CNTN5: variants seen among roughly 807,000 people sequenced by gnomAD.
CNTN5 encodes the protein contactin-5.
CNTN5 carries 77 observed loss-of-function variants against 129.1 expected under a neutral mutation model. That is an observed-to-expected ratio of 0.60 (90% CI 0.50 to 0.72). CNTN5 has a LOEUF of 0.72. Ranked by LOEUF, CNTN5 falls within the 30% of genes least tolerant of loss-of-function variation. CNTN5 has a pLI of 0.00. For missense variants in CNTN5, 1,478 were observed against 1,328.8 expected (o/e 1.11, Z -1.75); for synonymous variants, 509 against 465.6 (o/e 1.09, Z -1.20).
At chr11:99,596,265 G>A (rs967482836) in intron 3 of CNTN5, among the ~76,000 whole-genome samples, 2 of 152,082 alleles carry the variant, frequency 1.3e-5, no homozygotes, top group Non-Finnish European at 2.9e-5. Flanking sequence ...TAAGATATGA[G>A]TTTAAGTAAC....
intron 3 of CNTN5, among the ~76,000 whole-genome samples, chr11:99,697,331 G>T (rs1024866454): frequency 6.6e-6 from 1 of 151,388 alleles, no homozygotes; most frequent in Admixed American, 6.6e-5. Flanking sequence ...GAGAGAGAGA[G>T]AAACTTTACA....
intron 1 of CNTN5, among the ~76,000 whole-genome samples, chr11:99,310,348 G>A (rs967771704): frequency 6.6e-6 from 1 of 151,932 alleles, no homozygotes; most frequent in East Asian, 1.9e-4. Flanking sequence ...AAACAAATAT[G>A]TTTTCAGAAA....
At chr11:100,003,630 G>A (rs1262098514) in intron 9 of CNTN5, among the ~76,000 whole-genome samples, 2 of 152,172 alleles carry the variant, frequency 1.3e-5, no homozygotes, top group Non-Finnish European at 1.5e-5. Context: ...TATTTAATAA[G>A]TTAGATGTGG....
chr11:99,040,324 G>A lies in CNTN5; in HGVS notation c.-210+19054G>A, dbSNP rs180955618. Among the ~76,000 whole-genome samples, 30 of 152,198 alleles carry A rather than the reference G, an allele frequency of 2.0e-4. No homozygotes were observed. In the East Asian group the frequency reaches 5.8e-3, roughly 29 times the overall value. On this transcript the variant is annotated intron_variant, in intron 1 of 24. Transcript: ENST00000524871. Reference sequence around the variant, plus strand: ...CCATGAAAACTCTCAAAAACTGAATGTGTAGCTTAAGTAAGTCACAGAGAA... The same window carrying A: ...CCATGAAAACTCTCAAAAACTGAATATGTAGCTTAAGTAAGTCACAGAGAA...
intron 6 of CNTN5, among the ~76,000 whole-genome samples, chr11:99,870,419 C>T (rs931374941): frequency 2.6e-5 from 4 of 152,068 alleles, no homozygotes; most frequent in Non-Finnish European, 4.4e-5. Flanking sequence ...GGAAGCTTTT[C>T]TGTTAGAGTA....
intron 1 of CNTN5, among the ~76,000 whole-genome samples, chr11:99,221,248 G>A (rs1479051482): frequency 6.6e-6 from 1 of 151,768 alleles, no homozygotes; most frequent in African/African-American, 2.4e-5. Flanking sequence ...GACTTTGAAA[G>A]GATTTAATAT....
chr11:99,168,925 C>A (rs150980055), intron 1 of CNTN5, among the ~76,000 whole-genome samples: 2 of 152,286 alleles, frequency 1.3e-5, no homozygotes, highest in African/African-American at 4.8e-5. Flanking sequence ...CAGCTTTTAA[C>A]CTTTGTGGAA....
intron 22 of CNTN5, 96 bp from the exon 23 acceptor site, chr11:100,340,997 C>T (rs551629219): frequency 2.1e-6 from 2 of 940,354 alleles, no homozygotes; most frequent in South Asian, 3.0e-5. Context: ...CAGCCAACTA[C>T]TAAGCAGGAG....
intron 2 of CNTN5, among the ~76,000 whole-genome samples, chr11:99,404,113 T>C (rs1489052009): frequency 6.6e-6 from 1 of 152,104 alleles, no homozygotes; most frequent in Non-Finnish European, 1.5e-5. Context: ...ATAGGGACCT[T>C]CTTAGTGTCT....
At chr11:99,080,435 C>T (rs1233484797) in intron 1 of CNTN5, among the ~76,000 whole-genome samples, 2 of 152,156 alleles carry the variant, frequency 1.3e-5, no homozygotes, top group Admixed American at 6.5e-5. Flanking sequence ...CCATTTTCTA[C>T]CCTGAGTCTG....
At chr11:99,784,323 A>C (rs1945431904) in intron 3 of CNTN5, among the ~76,000 whole-genome samples, 1 of 151,404 alleles carries the variant, frequency 6.6e-6, no homozygotes, top group Non-Finnish European at 1.5e-5. Context: ...ACATAGGCCC[A>C]GGTGTGTGAT....
At chr11:99,767,277 A>G (rs1275105804) in intron 3 of CNTN5, among the ~76,000 whole-genome samples, 1 of 152,136 alleles carries the variant, frequency 6.6e-6, no homozygotes, top group Non-Finnish European at 1.5e-5. Flanking sequence ...ACTAATGCCA[A>G]GTGGTAATTA....
chr11:99,284,063 T>A (rs1414770751), intron 1 of CNTN5, among the ~76,000 whole-genome samples: 1 of 152,126 alleles, frequency 6.6e-6, no homozygotes, highest in African/African-American at 2.4e-5. Flanking sequence ...GTACTAGCAA[T>A]TGACTCTATA....
chr11:99,935,040 A>G (rs1322223460), intron 7 of CNTN5, among the ~76,000 whole-genome samples: 1 of 150,050 alleles, frequency 6.7e-6, no homozygotes, highest in Non-Finnish European at 1.5e-5. Context: ...ATGGAAATAC[A>G]TCTCCAGCAT....
intron 6 of CNTN5, among the ~76,000 whole-genome samples, chr11:99,899,918 G>C (rs539105574): frequency 5.5e-4 from 83 of 151,980 alleles, no homozygotes; most frequent in African/African-American, 1.9e-3. Context: ...ATTACTCATT[G>C]TTGGTCTATT....
chr11:99,740,899 A>C (rs1463268627), intron 3 of CNTN5, among the ~76,000 whole-genome samples: 1 of 152,158 alleles, frequency 6.6e-6, no homozygotes, highest in Non-Finnish European at 1.5e-5. Context: ...TATGCTGTTA[A>C]ATCTAACTAT....
chr11:99,555,007 T>A (rs1484441857), intron 2 of CNTN5, among the ~76,000 whole-genome samples: 3 of 152,042 alleles, frequency 2.0e-5, no homozygotes, highest in East Asian at 1.9e-4. Flanking sequence ...TCTCCATTAA[T>A]GATCCCCAAA....
intron 18 of CNTN5, among the ~76,000 whole-genome samples, chr11:100,287,677 G>A (rs1419323316): frequency 6.6e-6 from 1 of 152,080 alleles, no homozygotes; most frequent in Non-Finnish European, 1.5e-5. Context: ...AGACCTTCGA[G>A]ACTAGGAAGA....
intron 21 of CNTN5, among the ~76,000 whole-genome samples, chr11:100,317,312 G>C (rs1484800185): frequency 6.6e-6 from 1 of 152,114 alleles, no homozygotes; most frequent in Non-Finnish European, 1.5e-5. Context: ...GTGTGAAGAT[G>C]GACTTTAAGA....
Sources: gnomAD v4.1 joint callset for allele counts (sites outside exome capture counted in the v4.1 genomes callset) on GRCh38, gnomAD v4.1.1 for gene constraint, MANE v1.5 for transcripts, NCBI Gene and HGNC (gene_info 2026-07-23, HGNC 2026-07-21) for gene names.